Variants in FGGY observed in about 807,000 individuals in gnomAD.
The protein encoded by FGGY is FGGY carbohydrate kinase domain-containing protein.
In FGGY, 72 loss-of-function variants were observed where a neutral mutation model predicts 71.3. The ratio of observed to expected loss-of-function variants is 1.01; its 90% CI spans 0.84 to 1.23. The LOEUF (loss-of-function observed/expected upper bound fraction) is 1.23. Among genes scored for constraint, FGGY ranks in the 50% most tolerant of loss-of-function variants. The pLI, the probability that FGGY is intolerant of heterozygous loss-of-function variation, is 0.00. For synonymous variants in FGGY, 251 were observed against 250.3 expected, an observed-to-expected ratio of 1.00 and a Z score of -0.02; for missense variants, 668 against 682.3, an observed-to-expected ratio of 0.98 and a Z score of 0.23.
intron 13 of FGGY, 101 bp downstream of exon 13, chr1:59,667,504 T>A: frequency 1.5e-6 from 2 of 1,359,466 alleles, no homozygotes; most frequent in Non-Finnish European, 2.0e-6. Context: ...ATATGCGGTA[T>A]GCCAGATTAT....
chr1:59,643,854 A>G lies in FGGY; in HGVS notation c.1221+5479A>G, dbSNP rs2097061675. 2.0e-5 allele frequency among the ~76,000 whole-genome samples: 3 copies of G among 152,218 alleles called. No homozygotes were observed. The South Asian group carries it at 6.2e-4, about 31-fold the overall frequency. On this transcript the variant is annotated intron_variant, in intron 11 of 15. Coordinates refer to ENST00000303721, the MANE Select transcript of FGGY (RefSeq NM_018291.5). ...TTATGGTCAAACAGTTATTTCAATC[A>G]CTGTTTGCCAAATGAGGAATGAACA...
chr1:59,740,809 C>G (rs1049072454), intron 14 of FGGY, among the ~76,000 whole-genome samples: 10 of 152,178 alleles, frequency 6.6e-5, no homozygotes, highest in African/African-American at 1.2e-4. Flanking sequence ...TAAACATGCT[C>G]TAGACCTGTG....
chr1:59,463,227 A>G (rs1021739351), intron 6 of FGGY, among the ~76,000 whole-genome samples: 3 of 152,232 alleles, frequency 2.0e-5, no homozygotes, highest in Non-Finnish European at 4.4e-5. Flanking sequence ...AAAGAAAAGA[A>G]TTTTCAACAC....
At chr1:59,718,236 T>A (rs975441385) in intron 14 of FGGY, among the ~76,000 whole-genome samples, 2 of 152,198 alleles carry the variant, frequency 1.3e-5, no homozygotes, top group African/African-American at 4.8e-5. Flanking sequence ...AGACATTCTT[T>A]CTATCAGATC....
intron 2 of FGGY, among the ~76,000 whole-genome samples, chr1:59,338,258 T>G (rs1184501377): frequency 6.6e-6 from 1 of 152,198 alleles, no homozygotes; most frequent in Non-Finnish European, 1.5e-5. Flanking sequence ...TTGTTAAGGA[T>G]TTTTACTATG....
intron 4 of FGGY, among the ~76,000 whole-genome samples, chr1:59,368,009 A>G (rs1208024022): frequency 2.6e-5 from 4 of 152,230 alleles, no homozygotes; most frequent in Admixed American, 2.6e-4. Context: ...GCCAAGTCAT[A>G]TAACCCAAAT....
intron 14 of FGGY, among the ~76,000 whole-genome samples, chr1:59,752,226 A>G (rs893926804): frequency 6.6e-6 from 1 of 152,216 alleles, no homozygotes; most frequent in Non-Finnish European, 1.5e-5. Flanking sequence ...TATGGATGCC[A>G]CTTAAGAAAC....
chr1:59,424,983 A>C (rs1269536241), intron 5 of FGGY, among the ~76,000 whole-genome samples: 1 of 152,192 alleles, frequency 6.6e-6, no homozygotes, highest in Non-Finnish European at 1.5e-5. Context: ...TTTAGACCAA[A>C]TACATCTAGA....
At chr1:59,652,824 A>G (rs917634395) in intron 11 of FGGY, among the ~76,000 whole-genome samples, 113 of 151,982 alleles carry the variant, frequency 7.4e-4, no homozygotes, top group African/African-American at 2.7e-3. Context: ...AGGAGGAGAG[A>G]CGCTCTGCGT....
At chr1:59,570,263 T>C (rs900769208) in intron 8 of FGGY, among the ~76,000 whole-genome samples, 3 of 152,208 alleles carry the variant, frequency 2.0e-5, no homozygotes, top group Non-Finnish European at 2.9e-5. Context: ...AGAGTAGCAA[T>C]TATATCTTTA....
intron 1 of FGGY, among the ~76,000 whole-genome samples, chr1:59,304,230 A>G (rs1215318261): frequency 2.6e-5 from 4 of 152,074 alleles, no homozygotes; most frequent in African/African-American, 7.2e-5. Context: ...TTACAACTGT[A>G]ATCCATTTTG....
chr1:59,463,478 A>G (rs568905771), intron 6 of FGGY, among the ~76,000 whole-genome samples: 1 of 152,226 alleles, frequency 6.6e-6, no homozygotes, highest in African/African-American at 2.4e-5. Context: ...ACCAGCTTAC[A>G]TCATAATGAC....
intron 15 of FGGY, among the ~76,000 whole-genome samples, chr1:59,758,726 A>G (rs1211899663): frequency 1.3e-5 from 2 of 152,240 alleles, no homozygotes; most frequent in Non-Finnish European, 2.9e-5. Context: ...TGGGAGCAGC[A>G]TAGTACATTC....
intron 7 of FGGY, among the ~76,000 whole-genome samples, chr1:59,530,359 AG>A (rs1411805484): frequency 6.6e-6 from 1 of 152,236 alleles, no homozygotes; most frequent in Non-Finnish European, 1.5e-5. Context: ...TTCAACCAAC[AG>A]GTAACATATC....
At chr1:59,691,779 G>A (rs1319516362) in intron 14 of FGGY, among the ~76,000 whole-genome samples, 1 of 151,906 alleles carries the variant, frequency 6.6e-6, no homozygotes, top group Non-Finnish European at 1.5e-5. Flanking sequence ...CTTTGTGCTA[G>A]AAGATTACTG....
At chr1:59,666,405 C>T (rs942108605) in intron 12 of FGGY, among the ~76,000 whole-genome samples, 2 of 152,112 alleles carry the variant, frequency 1.3e-5, no homozygotes, top group African/African-American at 4.8e-5. Flanking sequence ...AGTCCTTATC[C>T]CAAATAAATT....
At chr1:59,584,764 G>C (rs1475105190) in intron 8 of FGGY, among the ~76,000 whole-genome samples, 3 of 149,984 alleles carry the variant, frequency 2.0e-5, no homozygotes, top group Non-Finnish European at 4.4e-5. Flanking sequence ...TGTATATCTA[G>C]AAAACCCCAT....
chr1:59,591,860 A>G (rs1050563699), intron 8 of FGGY, among the ~76,000 whole-genome samples: 2 of 152,222 alleles, frequency 1.3e-5, no homozygotes, highest in Non-Finnish European at 2.9e-5. Context: ...AGGCATTACC[A>G]TTCAGGACAT....
intron 5 of FGGY, among the ~76,000 whole-genome samples, chr1:59,446,326 T>C (rs1376016420): frequency 6.6e-6 from 1 of 152,118 alleles, no homozygotes; most frequent in East Asian, 1.9e-4. Context: ...TCTTTCATGC[T>C]CCCCATATTG....
Sources: gnomAD v4.1 joint callset for allele counts (sites outside exome capture counted in the v4.1 genomes callset) on GRCh38, gnomAD v4.1.1 for gene constraint, MANE v1.5 for transcripts, NCBI Gene and HGNC (gene_info 2026-07-23, HGNC 2026-07-21) for gene names.